PIEZO2: variants seen among roughly 807,000 people sequenced by gnomAD.
PIEZO2 encodes the protein piezo type mechanosensitive ion channel component 2.
A neutral mutation model predicts 337.3 loss-of-function variants in PIEZO2; 172 were observed. That is an observed-to-expected ratio of 0.51 (90% CI 0.45 to 0.58). The LOEUF (loss-of-function observed/expected upper bound fraction) is 0.58. PIEZO2 is among the 20% of genes least tolerant of loss of function. The pLI is 0.00. For synonymous variants in PIEZO2, 1,251 were observed against 1,228.5 expected (o/e 1.02, Z -0.38); for missense variants, 3,028 against 3,391.3 (o/e 0.89, Z 2.66).
chr18:11,138,293 AGTTTT>A (rs1190483414), intron 1 of PIEZO2, among the ~76,000 whole-genome samples: 2 of 152,018 alleles, frequency 1.3e-5, no homozygotes, highest in African/African-American at 2.4e-5. Flanking sequence ...TTGTTGTTGT[AGTTTT>A]GTTTGTTTGT....
chr18:10,738,483 G>A (rs1266968869), intron 33 of PIEZO2: 1 of 151,998 alleles, frequency 6.6e-6, no homozygotes, highest in Non-Finnish European at 1.5e-5. Context: ...TAAGAAAAAA[G>A]AAAATGTAAA....
chr18:10,726,610 GA>G lies in PIEZO2; in HGVS notation c.5029+4796del, dbSNP rs1345064400. ...CCAGGACCTGGCGCGCTACGTGCGG[GA>G]CGCCGACGTGCGCTGGGAGTACTGC... On this transcript the variant is annotated intron_variant, in intron 36 of 55. Coordinates refer to ENST00000674853, the MANE Select transcript of PIEZO2 (RefSeq NM_001378183.1). The surrounding 1 kb of genome is among the most constrained non-coding windows in gnomAD (Gnocchi z 5.9). 1 of 713,300 alleles carries G rather than the reference GA, an allele frequency of 1.4e-6. No homozygotes were observed. The highest frequency in any genetic ancestry group is 1.7e-6 in the Non-Finnish European group (1 of 571,904). 44.2% of individuals were successfully genotyped at this position (713,300 alleles called of 1,614,324 possible). A position where few individuals can be genotyped will look rare whatever the true frequency, so the allele number is the denominator to read the frequency against.
chr18:11,007,078 G>T (rs141535657), intron 2 of PIEZO2, among the ~76,000 whole-genome samples: 224 of 152,166 alleles, frequency 1.5e-3, no homozygotes, highest in African/African-American at 5.2e-3. Context: ...ATAAATTATT[G>T]TTAACTATAG....
intron 2 of PIEZO2, among the ~76,000 whole-genome samples, chr18:11,004,599 A>G (rs746441571): frequency 2.0e-5 from 3 of 152,210 alleles, no homozygotes; most frequent in Non-Finnish European, 4.4e-5. Flanking sequence ...AAATAAACCA[A>G]TAATATACAA....
chr18:10,893,528 G>C (rs780571077), intron 4 of PIEZO2: 2 of 152,156 alleles, frequency 1.3e-5, no homozygotes, highest in Non-Finnish European at 2.9e-5. Context: ...CTCTCTGCAT[G>C]GGTTCCTTGG....
At chr18:10,805,658 A>G (rs2039979326) in intron 8 of PIEZO2, among the ~76,000 whole-genome samples, 1 of 152,370 alleles carries the variant, frequency 6.6e-6, no homozygotes, top group Admixed American at 6.5e-5. Flanking sequence ...AAGAGAACTG[A>G]AGAAAAATAT....
chr18:10,812,935 A>C (rs2040242485), intron 7 of PIEZO2, among the ~76,000 whole-genome samples: 1 of 152,160 alleles, frequency 6.6e-6, no homozygotes, highest in Admixed American at 6.5e-5. Flanking sequence ...CACTTAAAAA[A>C]TGTTTATTTG....
chr18:10,725,225 C>T (rs1456264035), intron 36 of PIEZO2: 15 of 1,566,450 alleles, frequency 9.6e-6, no homozygotes, highest in Non-Finnish European at 1.1e-5. Context: ...AAGTTTGGAA[C>T]CTACGAACAC....
chr18:11,137,930 T>C (rs985235462), intron 1 of PIEZO2, among the ~76,000 whole-genome samples: 11 of 152,214 alleles, frequency 7.2e-5, no homozygotes, highest in East Asian at 3.9e-4. Flanking sequence ...AGTTTTACCA[T>C]TGTCAAATGG....
At chr18:11,024,632 A>G (rs1399735999) in intron 2 of PIEZO2, among the ~76,000 whole-genome samples, 2 of 151,666 alleles carry the variant, frequency 1.3e-5, no homozygotes, top group Admixed American at 6.6e-5. Flanking sequence ...AGGTCTATTT[A>G]AGGTTTTGTT....
intron 52 of PIEZO2, among the ~76,000 whole-genome samples, chr18:10,678,895 A>G (rs2034136352): frequency 1.3e-5 from 2 of 151,340 alleles, no homozygotes; most frequent in South Asian, 4.2e-4. Flanking sequence ...TATTGGTGGA[A>G]TGCAAGTGAT....
rs56275136 is a variant in PIEZO2, at chr18:11,001,905, AGAAGGAAGGAAGGAAGGAAGGAAG to A, written c.161-22269_161-22246del. ...AAAAGGAGAAAAAGGGAAGGAAGGA[AGAAGGAAGGAAGGAAGGAAGGAAG>A]GAAGGAAGGAAGGAAGGAAGAAAAA... On this transcript the variant is annotated intron_variant, in intron 2 of 55. Transcript: ENST00000674853. The surrounding 1 kb of genome is among the most constrained non-coding windows in gnomAD (Gnocchi z 5.3). Among the ~76,000 whole-genome samples the A allele has an allele frequency of 2.2e-5, 3 of 139,202 alleles. No homozygotes were observed. The highest frequency in any genetic ancestry group is 5.6e-5 in the African/African-American group (2 of 35,888). The allele number at this position is 139,202 out of a possible 152,430, so 91.3% of individuals were successfully genotyped here.
rs997158145 is a variant in PIEZO2 at position 10,691,179 on chromosome 18, G to A, written c.7349+46C>T. 8.2e-6 allele frequency: 13 copies of A among 1,576,136 alleles called. 1 individual carries two copies. Among genetic ancestry groups the A allele is most frequent in the Admixed American group, 1.8e-5 (1 of 55,610 alleles). Reference sequence around the variant, plus strand: ...TTGGGAATCAAAATGCCTTTCCACCGCTATTCTTCCCCCATAAGTGACTGT... The same window carrying A: ...TTGGGAATCAAAATGCCTTTCCACCACTATTCTTCCCCCATAAGTGACTGT... On this transcript the variant is annotated intron_variant, in intron 48 of 55. Transcript: ENST00000674853.
Position 10,752,765 on chromosome 18 carries a change from C to T in PIEZO2, c.4038G>A (p.Leu1346=). The T allele has an allele frequency of 6.5e-7, 1 of 1,537,194 alleles. No individual in the cohort carries two copies. The highest frequency in any genetic ancestry group is 8.7e-7 in the Non-Finnish European group (1 of 1,146,910). Residue 1346 remains leucine, a synonymous_variant, in exon 28 of 56, where the codon CTG becomes CTA. Coordinates refer to ENST00000674853, the MANE Select transcript of PIEZO2 (RefSeq NM_001378183.1). Reference sequence around the variant, plus strand: ...AGAGCAGGAAGTAGAAACAGGCCACCAGGTACCCCATGCAAAAGATGCTGA... The same window carrying T: ...AGAGCAGGAAGTAGAAACAGGCCACTAGGTACCCCATGCAAAAGATGCTGA... ...TRISIFCMGY[L]VACFYFLLFG... is the part of the protein sequence containing the mutation.
intron 3 of PIEZO2, among the ~76,000 whole-genome samples, chr18:10,923,449 T>C (rs2031544269): frequency 6.6e-6 from 1 of 152,178 alleles, no homozygotes; most frequent in African/African-American, 2.4e-5. Context: ...AGCATTCCAA[T>C]GAAGCAAGAG....
At chr18:10,753,956 G>A (rs944012827) in intron 27 of PIEZO2, among the ~76,000 whole-genome samples, 1 of 152,164 alleles carries the variant, frequency 6.6e-6, no homozygotes, top group African/African-American at 2.4e-5. Context: ...CACAAATAAA[G>A]GTAGTGATTT....
At chr18:10,808,400 C>A (rs1182348936) in intron 7 of PIEZO2, among the ~76,000 whole-genome samples, 1 of 141,566 alleles carries the variant, frequency 7.1e-6, no homozygotes, top group Non-Finnish European at 1.6e-5. Context: ...CCTGTTTGCA[C>A]TTTTATATGT....
At chr18:10,869,032 T>C (rs1458200141) in intron 5 of PIEZO2, among the ~76,000 whole-genome samples, 4 of 152,208 alleles carry the variant, frequency 2.6e-5, no homozygotes, top group East Asian at 1.9e-4. Flanking sequence ...AAGAGGAACA[T>C]TGGAATTTGA....
chr18:11,025,515 GGCCCGGTGCACTA>G (rs1281273223), intron 2 of PIEZO2, among the ~76,000 whole-genome samples: 64 of 152,190 alleles, frequency 4.2e-4, no homozygotes, highest in African/African-American at 1.5e-3. Flanking sequence ...GGCTTCAAAG[GGCCCGGTGCACTA>G]GCGATCCCAT....
Sources: allele counts gnomAD v4.1 joint callset (sites outside exome capture counted in the v4.1 genomes callset), GRCh38; gene constraint gnomAD v4.1.1; non-coding constraint Gnocchi (gnomAD v3.1); transcripts MANE v1.5; gene names NCBI Gene and HGNC (gene_info 2026-07-23, HGNC 2026-07-21).